Variants in PCYT1A observed in about 807,000 individuals in gnomAD.
PCYT1A encodes phosphate cytidylyltransferase 1A, choline, also known as choline-phosphate cytidylyltransferase A.
In PCYT1A, 25 loss-of-function variants were observed where a neutral mutation model predicts 43.7. The ratio of observed to expected loss-of-function variants is 0.57; its 90% CI spans 0.42 to 0.80. The LOEUF is 0.80. Ranked by LOEUF, PCYT1A falls within the 30% of genes least tolerant of loss-of-function variation. PCYT1A has a pLI of 0.00. For synonymous variants in PCYT1A, 172 were observed against 170.7 expected, an observed-to-expected ratio of 1.01 and a Z score of -0.06; for missense variants, 421 against 474.2, an observed-to-expected ratio of 0.89 and a Z score of 1.04.
chr3:196,262,353 G>T (rs1308668311), intron 2 of PCYT1A, among the ~76,000 whole-genome samples: 1 of 152,134 alleles, frequency 6.6e-6, no homozygotes, highest in African/African-American at 2.4e-5. Flanking sequence ...TTTACTATGA[G>T]GATTAAACAA....
At chr3:196,264,285 C>T (rs934299283) in intron 2 of PCYT1A, among the ~76,000 whole-genome samples, 1 of 152,130 alleles carries the variant, frequency 6.6e-6, no homozygotes, top group African/African-American at 2.4e-5. Context: ...GACAGGGTCT[C>T]CCTATATTGC....
Position 196,235,083 on chromosome 3 carries a change from A to G in PCYT1A, c.*3605T>C, listed in dbSNP as rs1011647787. ...AATTAAAGAAAAGCAGCAAAATATA[A>G]TTGATTTGGAAAGATTTTGGATAAG... On this transcript the variant is annotated 3_prime_UTR_variant, in exon 9 of 9. Coordinates refer to ENST00000431016, the MANE Select transcript of PCYT1A (RefSeq NM_001312673.2). The surrounding 1 kb of genome is among the most constrained non-coding windows in gnomAD (Gnocchi z 4.3). The G allele has an allele frequency of 1.3e-5, 2 of 152,250 alleles. No homozygotes were observed. The highest frequency in any genetic ancestry group is 4.8e-5 in the African/African-American group (2 of 41,466). 9.4% of individuals were successfully genotyped at this position (152,250 alleles called of 1,614,324 possible). A position where few individuals can be genotyped will look rare whatever the true frequency, so the allele number is the denominator to read the frequency against.
intron 1 of PCYT1A, among the ~76,000 whole-genome samples, chr3:196,271,375 T>C (rs552251897): frequency 1.3e-5 from 2 of 152,324 alleles, no homozygotes; most frequent in Non-Finnish European, 2.9e-5. Context: ...CAGAGTTACT[T>C]GCATGAAAAT....
At chr3:196,261,739 G>A (rs904593912) in intron 2 of PCYT1A, among the ~76,000 whole-genome samples, 4 of 150,590 alleles carry the variant, frequency 2.7e-5, no homozygotes, top group East Asian at 1.9e-4. Flanking sequence ...GCAGTGAGCC[G>A]AGATCACGCC....
chr3:196,239,022 C>G, intron 8 of PCYT1A, 128 bp from the exon 9 acceptor site: 1 of 470,414 alleles, frequency 2.1e-6, no homozygotes, highest in Non-Finnish European at 3.5e-6. Flanking sequence ...TGTCATCACC[C>G]GGGAAATTCC....
Position 196,239,704 on chromosome 3 carries a change from T to A in PCYT1A, c.740A>T (p.Asp247Val). 1 of 1,610,958 alleles carries A rather than the reference T, an allele frequency of 6.2e-7. No homozygotes were observed. Among genetic ancestry groups the A allele is most frequent in the Non-Finnish European group, 8.5e-7 (1 of 1,177,102 alleles). Residue 247 changes from aspartate (D) to valine (V), a missense_variant, in exon 8 of 9, where the codon GAC (aspartate) becomes GTC (valine). Coordinates refer to ENST00000431016, the MANE Select transcript of PCYT1A (RefSeq NM_001312673.2). ...ATCTTTCACTTTCTTCTTTACTTTG[T>A]CAACCCTCTCCTGCAAGTGGTATTT... ...EKKYHLQERV[D>V]KVKKKVKDVE...
intron 2 of PCYT1A, among the ~76,000 whole-genome samples, chr3:196,263,672 C>CA (rs1725182323): frequency 6.6e-6 from 1 of 152,060 alleles, no homozygotes; most frequent in Non-Finnish European, 1.5e-5. Context: ...CTTGCTCTGT[C>CA]GCCAGGCTGG....
chr3:196,286,062 T>TTG (rs1491092922), intron 1 of PCYT1A, among the ~76,000 whole-genome samples: 25 of 31,072 alleles, frequency 8.0e-4, no homozygotes, highest in Non-Finnish European at 1.3e-3. Flanking sequence ...CCACTGTCCC[T>TTG]TTTTTTTTTT....
At chr3:196,255,723 G>A (rs977175240) in intron 3 of PCYT1A, among the ~76,000 whole-genome samples, 1 of 152,122 alleles carries the variant, frequency 6.6e-6, no homozygotes, top group African/African-American at 2.4e-5. Flanking sequence ...GATCAACTTG[G>A]AAACAGTACA....
chr3:196,287,313 CAG>C (rs935668420), intron 1 of PCYT1A: 4 of 152,424 alleles, frequency 2.6e-5, no homozygotes, highest in African/African-American at 9.7e-5. Flanking sequence ...ACCAATCGAT[CAG>C]AGTCTCCTTG....
intron 2 of PCYT1A, among the ~76,000 whole-genome samples, chr3:196,269,249 T>C (rs1317272038): frequency 1.3e-5 from 2 of 152,240 alleles, no homozygotes; most frequent in African/African-American, 4.8e-5. Flanking sequence ...TGCAGGCACT[T>C]GTCTATTTGT....
chr3:196,241,150 A>C (rs990229886), intron 7 of PCYT1A, among the ~76,000 whole-genome samples: 14 of 149,176 alleles, frequency 9.4e-5, no homozygotes, highest in Non-Finnish European at 1.3e-4. Flanking sequence ...AAAAAAAAAA[A>C]AAAAAAAAAA....
At position 196,242,146 on chromosome 3, in the gene PCYT1A, T is replaced by G; in HGVS notation, c.566-56A>C. 2 of 1,568,768 alleles carry G rather than the reference T, an allele frequency of 1.3e-6. No individual in the cohort carries two copies. The highest frequency in any genetic ancestry group is 2.0e-4 in the Middle Eastern group (1 of 4,958). On this transcript the variant is annotated intron_variant, in intron 6 of 8. Coordinates refer to ENST00000431016, the MANE Select transcript of PCYT1A (RefSeq NM_001312673.2). The surrounding 1 kb of genome is among the most constrained non-coding windows in gnomAD (Gnocchi z 4.2). Reference sequence around the variant, plus strand: ...GTGAGGTTCTGGTTAGCTCAGGTATTAAGACTAAATGGAAATTGGGGGCAA... The same window carrying G: ...GTGAGGTTCTGGTTAGCTCAGGTATGAAGACTAAATGGAAATTGGGGGCAA...
In PCYT1A at chr3:196,268,695, T is replaced by C. The variant is rs1266169612; in HGVS notation, c.117+1720A>G. Among the ~76,000 whole-genome samples, 1 of 152,152 alleles carries C rather than the reference T, an allele frequency of 6.6e-6. No homozygotes were observed. The highest frequency in any genetic ancestry group is 1.5e-5 in the Non-Finnish European group (1 of 68,032). On this transcript the variant is annotated intron_variant, in intron 2 of 8. Transcript: ENST00000431016. The surrounding 1 kb of genome is among the most constrained non-coding windows in gnomAD (Gnocchi z 4.4). ...CTGCAATCCCAGCCACTTGGGAGGCTGAGGCAGGGAAATCACTTGAACCCA... is the reference window on the plus strand; with the variant it reads ...CTGCAATCCCAGCCACTTGGGAGGCCGAGGCAGGGAAATCACTTGAACCCA...
chr3:196,252,189 T>C lies in PCYT1A; in HGVS notation c.218-3866A>G, dbSNP rs1724826046. Among the ~76,000 whole-genome samples, 1 of 152,140 alleles carries C rather than the reference T, an allele frequency of 6.6e-6. No homozygotes were observed. The highest frequency in any genetic ancestry group is 1.5e-5 in the Non-Finnish European group (1 of 68,020). ...TACAGCGCACACCACTACGCTCAGC[T>C]GATTTTTGTATTTTTTGTACAGATG... On this transcript the variant is annotated intron_variant, in intron 3 of 8. Transcript: ENST00000431016. The surrounding 1 kb of genome is among the most constrained non-coding windows in gnomAD (Gnocchi z 4.0).
Position 196,247,290 on chromosome 3 carries a change from C to A in PCYT1A, c.486+77G>T. The A allele has an allele frequency of 6.7e-7, 1 of 1,501,780 alleles. No homozygotes were observed. Among genetic ancestry groups the A allele is most frequent in the Non-Finnish European group, 9.2e-7 (1 of 1,090,056 alleles). The allele number at this position is 1,501,780 out of a possible 1,614,324, so 93.0% of individuals were successfully genotyped here. A position where few individuals can be genotyped will look rare whatever the true frequency, so the allele number is the denominator to read the frequency against. On this transcript the variant is annotated intron_variant, in intron 5 of 8. Coordinates refer to ENST00000431016, the MANE Select transcript of PCYT1A (RefSeq NM_001312673.2). The surrounding 1 kb of genome is among the most constrained non-coding windows in gnomAD (Gnocchi z 4.8). ...GAAGTAAAACACGGCTAGTGGAAAA[C>A]CAGCCTACGTGCCAGCAGCTTTGAG... is the stretch of plus-strand genomic sequence containing the variant.
In PCYT1A at chr3:196,268,533, C is replaced by T. The variant is rs1300456106; in HGVS notation, c.117+1882G>A. 6.6e-6 allele frequency among the ~76,000 whole-genome samples: 1 copy of T among 152,052 alleles called. No homozygotes were observed. Among genetic ancestry groups the T allele is most frequent in the Non-Finnish European group, 1.5e-5 (1 of 67,950 alleles). On this transcript the variant is annotated intron_variant, in intron 2 of 8. Transcript: ENST00000431016. This position sits in a 1 kb window ranked among gnomAD's most constrained non-coding sequence, Gnocchi z 4.4. Reference sequence around the variant, plus strand: ...GCACAGTGGCTCACGCCTGGTAATCCTAGCACTCTGGGAGGCCGAGATAGG... The same window carrying T: ...GCACAGTGGCTCACGCCTGGTAATCTTAGCACTCTGGGAGGCCGAGATAGG...
At chr3:196,284,890 G>C (rs948057469) in intron 1 of PCYT1A, among the ~76,000 whole-genome samples, 1 of 152,126 alleles carries the variant, frequency 6.6e-6, no homozygotes. Context: ...AGAAACCCCT[G>C]GGTAGTTCCT....
chr3:196,271,442 G>A (rs925653563), intron 1 of PCYT1A, among the ~76,000 whole-genome samples: 1 of 152,146 alleles, frequency 6.6e-6, no homozygotes, highest in African/African-American at 2.4e-5. Flanking sequence ...TTTTTTAGGG[G>A]TCTTGCTAGG....
Sources: gnomAD v4.1 joint callset for allele counts (sites outside exome capture counted in the v4.1 genomes callset) on GRCh38, gnomAD v4.1.1 for gene constraint, Gnocchi (gnomAD v3.1) non-coding constraint, MANE v1.5 for transcripts, NCBI Gene and HGNC (gene_info 2026-07-23, HGNC 2026-07-21) for gene names.